The following GPR146 variants were observed in gnomAD, a reference collection of about 807,000 sequenced individuals.
GPR146 encodes G protein-coupled receptor 146, also known as G-protein coupled receptor 146.
For missense variants in GPR146, 381 were observed against 213.9 expected, an observed-to-expected ratio of 1.78 and a Z score of -4.87; for synonymous variants, 203 against 104.3, an observed-to-expected ratio of 1.95 and a Z score of -5.77.
At chr7:1,054,913 G>A (rs1301255426) in intron 1 of GPR146, among the ~76,000 whole-genome samples, 1 of 152,240 alleles carries the variant, frequency 6.6e-6, no homozygotes, top group Non-Finnish European at 1.5e-5. Context: ...GCATGGCCAG[G>A]CCTTCGCTCG....
chr7:1,053,961 G>A (rs577377864), intron 1 of GPR146, among the ~76,000 whole-genome samples: 17 of 152,308 alleles, frequency 1.1e-4, no homozygotes, highest in Admixed American at 3.9e-4. Context: ...TTCCTACCAC[G>A]AGCCAGAGAG....
chr7:1,057,174 C>A (rs1053000579), intron 1 of GPR146, among the ~76,000 whole-genome samples: 2 of 152,142 alleles, frequency 1.3e-5, no homozygotes, highest in African/African-American at 4.8e-5. Context: ...CCCGTCCAAC[C>A]AACTCAGGAC....
At chr7:1,057,250 C>A (rs1279602294) in intron 1 of GPR146, among the ~76,000 whole-genome samples, 2 of 152,204 alleles carry the variant, frequency 1.3e-5, no homozygotes, top group Non-Finnish European at 2.9e-5. Context: ...CACCAGGCTC[C>A]CTCTCTGGTC....
chr7:1,045,944 T>G (rs1180096007), intron 1 of GPR146: 1 of 152,230 alleles, frequency 6.6e-6, no homozygotes, highest in Non-Finnish European at 1.5e-5. Context: ...AACACAGATT[T>G]AGGGCAGAAT....
At chr7:1,053,434 T>C (rs1197093552) in intron 1 of GPR146, among the ~76,000 whole-genome samples, 1 of 151,706 alleles carries the variant, frequency 6.6e-6, no homozygotes. Context: ...GCGTCACGAG[T>C]CTCCTGTGAC....
At chr7:1,053,826 C>A (rs989064631) in intron 1 of GPR146, among the ~76,000 whole-genome samples, 34 of 152,082 alleles carry the variant, frequency 2.2e-4, no homozygotes, top group African/African-American at 8.2e-4. Flanking sequence ...GACTCCATCT[C>A]AAAAAAACAA....
chr7:1,057,324 A>G (rs528670885), intron 1 of GPR146, among the ~76,000 whole-genome samples, 168 bp from the exon 2 acceptor site: 3 of 152,096 alleles, frequency 2.0e-5, no homozygotes, highest in African/African-American at 7.2e-5. Context: ...CGAGACGGCC[A>G]TTTTTCAACG....
At position 1,058,344 on chromosome 7, in the gene GPR146, G is replaced by A. The variant is rs546763165; in HGVS notation, c.829G>A (p.Val277Met). ...ACACTACCTGGGGCTACTGCACTTT[G>A]TGAAGGATTTCTCCAAACTCCTGGC... ...DAHYLGLLHF[V>M]KDFSKLLAFS... Residue 277 changes from valine (V) to methionine (M), a missense_variant, in exon 2 of 2, where the codon GTG becomes ATG. Coordinates refer to ENST00000444847, the MANE Select transcript of GPR146 (RefSeq NM_001303473.2). 1.3e-4 allele frequency: 105 copies of A among 779,056 alleles called. No individual in the cohort carries two copies. Among genetic ancestry groups the A allele is most frequent in the Middle Eastern group, 1.1e-3 (5 of 4,442 alleles). 48.3% of individuals were successfully genotyped at this position (779,056 alleles called of 1,614,324 possible).
Position 1,058,782 on chromosome 7 carries a change from C to T in GPR146, c.*265C>T, listed in dbSNP as rs200924896. The T allele has an allele frequency of 4.9e-3, 2,410 of 491,448 alleles. 22 individuals are homozygous for T. The highest frequency in any genetic ancestry group is 0.026 in the Middle Eastern group (46 of 1,800). 30.4% of individuals were successfully genotyped at this position (491,448 alleles called of 1,614,324 possible). On this transcript the variant is annotated 3_prime_UTR_variant, in exon 2 of 2. Coordinates refer to ENST00000444847, the MANE Select transcript of GPR146 (RefSeq NM_001303473.2). Reference sequence around the variant, plus strand: ...AGGTCCACATCCGCAAAAGCCTCCTCGCCTTCAGCCTCCTCAGCATTCAGT... The same window carrying T: ...AGGTCCACATCCGCAAAAGCCTCCTTGCCTTCAGCCTCCTCAGCATTCAGT...
chr7:1,058,831 TAG>T lies in GPR146; in HGVS notation c.*317_*318del, dbSNP rs1784166378. On this transcript the variant is annotated 3_prime_UTR_variant, in exon 2 of 2. Transcript: ENST00000444847. ...GTTTGTCAATGAAGTGATGAAAGCT[TAG>T]AGCCAGTATTTATACTTTGTGGTTA... 3 of 372,680 alleles carry T rather than the reference TAG, an allele frequency of 8.0e-6. No homozygotes were observed. The highest frequency in any genetic ancestry group is 1.5e-5 in the Non-Finnish European group (3 of 196,870). The allele number at this position is 372,680 out of a possible 1,614,324, so 23.1% of individuals were successfully genotyped here.
rs1290368588 is a variant in GPR146, at chr7:1,053,155, C to CG, written c.-24-4337_-24-4336insG. Among the ~76,000 whole-genome samples, 24 of 149,412 alleles carry CG rather than the reference C, an allele frequency of 1.6e-4. 1 individual carries two copies. In the East Asian group the frequency reaches 4.6e-3, roughly 28 times the overall value. ...CCCGGCAGCCAGGAAAAGGAAGTCTCTGGGCACAGAGGCAAGCGGGAGACC... is the reference window on the plus strand; with the variant it reads ...CCCGGCAGCCAGGAAAAGGAAGTCTCGTGGGCACAGAGGCAAGCGGGAGACC... On this transcript the variant is annotated intron_variant, in intron 1 of 1. Coordinates refer to ENST00000444847, the MANE Select transcript of GPR146 (RefSeq NM_001303473.2).
intron 1 of GPR146, among the ~76,000 whole-genome samples, chr7:1,046,201 A>G (rs1583542519): frequency 6.6e-6 from 1 of 152,264 alleles, no homozygotes; most frequent in South Asian, 2.1e-4. Flanking sequence ...GGGGCTCCTC[A>G]GGGAGCTGCA....
At position 1,058,340 on chromosome 7, in the gene GPR146, C is replaced by G. The variant is rs1420623539; in HGVS notation, c.825C>G (p.His275Gln). 1.3e-5 allele frequency: 10 copies of G among 778,786 alleles called. No individual in the cohort carries two copies. Among genetic ancestry groups the G allele is most frequent in the Non-Finnish European group, 2.2e-5 (9 of 418,116 alleles). 48.2% of individuals were successfully genotyped at this position (778,786 alleles called of 1,614,324 possible). A position where few individuals can be genotyped will look rare whatever the true frequency, so the allele number is the denominator to read the frequency against. ...ACGCACACTACCTGGGGCTACTGCACTTTGTGAAGGATTTCTCCAAACTCC... is the reference window on the plus strand; with the variant it reads ...ACGCACACTACCTGGGGCTACTGCAGTTTGTGAAGGATTTCTCCAAACTCC... ...PVDAHYLGLL[H>Q]FVKDFSKLLA... Residue 275 changes from histidine (H) to glutamine (Q), a missense_variant, in exon 2 of 2, where the codon CAC (histidine) becomes CAG (glutamine). His to Gln is a conservative substitution (Grantham distance 24, BLOSUM62 0). Transcript: ENST00000444847.
At chr7:1,053,071 T>TG (rs1012161956) in intron 1 of GPR146, among the ~76,000 whole-genome samples, 1 of 152,038 alleles carries the variant, frequency 6.6e-6, no homozygotes, top group South Asian at 2.1e-4. Flanking sequence ...GCCTGCCCAG[T>TG]GGGGGGAGAA....
chr7:1,047,384 A>C (rs1236150712), intron 1 of GPR146, among the ~76,000 whole-genome samples: 2 of 152,366 alleles, frequency 1.3e-5, no homozygotes, highest in East Asian at 3.9e-4. Context: ...TAAAAAGCAA[A>C]AGGCTACAAA....
In GPR146 at chr7:1,052,422, T is replaced by G. The variant is rs1783214822; in HGVS notation, c.-24-5070T>G. 1.3e-5 allele frequency among the ~76,000 whole-genome samples: 2 copies of G among 149,910 alleles called. No homozygotes were observed. Among genetic ancestry groups the G allele is most frequent in the African/African-American group, 2.5e-5 (1 of 40,506 alleles). The stretch of plus-strand genomic sequence containing the variant: ...TGTGTGGGTGGCAGGTCTTGAGGAG[T>G]CGTGGGGGAGGGTTTCGGGGGGAGA... On this transcript the variant is annotated intron_variant, in intron 1 of 1. Transcript: ENST00000444847. This position sits in a 1 kb window ranked among gnomAD's most constrained non-coding sequence, Gnocchi z 4.2.
At chr7:1,055,516 G>A (rs1783639567) in intron 1 of GPR146, 3 of 450,182 alleles carry the variant, frequency 6.7e-6, no homozygotes, top group South Asian at 3.1e-5. Flanking sequence ...GGTGGGAGAG[G>A]GGACGTGGGG....
At chr7:1,051,960 TGA>T (rs1783152989) in intron 1 of GPR146, among the ~76,000 whole-genome samples, 1 of 152,184 alleles carries the variant, frequency 6.6e-6, no homozygotes, top group Non-Finnish European at 1.5e-5. Context: ...CCTGGGTGAC[TGA>T]GAGAGATCCT....
rs758734569 is a variant in GPR146 at position 1,057,938 on chromosome 7, G to A, written c.423G>A (p.Val141=). The A allele has an allele frequency of 2.6e-6, 2 of 773,806 alleles. No homozygotes were observed. The highest frequency in any genetic ancestry group is 2.4e-5 in the East Asian group (1 of 41,254). 47.9% of individuals were successfully genotyped at this position (773,806 alleles called of 1,614,324 possible). Residue 141 remains valine, a synonymous_variant, in exon 2 of 2, where the codon GTG becomes GTA. Coordinates refer to ENST00000444847, the MANE Select transcript of GPR146 (RefSeq NM_001303473.2). ...TGCCGCGGACCTACATGGCCAGCGT[G>A]TACAACACGCGGCACGTGTGCGGCT... ...RALPRTYMAS[V]YNTRHVCGFV...
Sources: gnomAD v4.1 joint callset for allele counts (sites outside exome capture counted in the v4.1 genomes callset) on GRCh38, gnomAD v4.1.1 for gene constraint, Gnocchi (gnomAD v3.1) non-coding constraint, MANE v1.5 for transcripts, NCBI Gene and HGNC (gene_info 2026-07-23, HGNC 2026-07-21) for gene names.